DENND1A: variants seen among roughly 807,000 people sequenced by gnomAD.
The protein encoded by DENND1A is DENN domain-containing protein 1A.
A neutral mutation model predicts 113.7 loss-of-function variants in DENND1A; 51 were observed. The ratio of observed to expected loss-of-function variants is 0.45; its 90% CI spans 0.36 to 0.57. The LOEUF (loss-of-function observed/expected upper bound fraction) is 0.57. Among genes scored for constraint, DENND1A ranks in the 20% least tolerant of loss-of-function variants. The pLI, the probability that DENND1A is intolerant of heterozygous loss-of-function variation, is 0.00. For synonymous variants in DENND1A, 565 were observed against 570.8 expected, an observed-to-expected ratio of 0.99 and a Z score of 0.14; for missense variants, 1,258 against 1,395.9, an observed-to-expected ratio of 0.90 and a Z score of 1.57.
chr9:123,495,135 G>GTCTCTT, intron 13 of DENND1A, among the ~76,000 whole-genome samples: 1 of 35,166 alleles, frequency 2.8e-5, no homozygotes, highest in Non-Finnish European at 5.8e-5. Flanking sequence ...ACCCATCATT[G>GTCTCTT]TCTCTTTCTC....
chr9:123,581,153 G>A (rs1313157644), intron 12 of DENND1A, among the ~76,000 whole-genome samples: 1 of 152,094 alleles, frequency 6.6e-6, no homozygotes, highest in Non-Finnish European at 1.5e-5. Flanking sequence ...TAGCTCTGTG[G>A]GTCAAGCGGG....
intron 3 of DENND1A, among the ~76,000 whole-genome samples, chr9:123,777,352 G>C (rs1830618679): frequency 6.6e-6 from 1 of 152,172 alleles, no homozygotes; most frequent in Admixed American, 6.5e-5. Flanking sequence ...AGCTTGTTTA[G>C]ATAAACTTGA....
chr9:123,821,412 G>C (rs544956401), intron 2 of DENND1A, among the ~76,000 whole-genome samples: 24 of 152,274 alleles, frequency 1.6e-4, no homozygotes, highest in Non-Finnish European at 2.9e-4. Context: ...CCATTGTGTA[G>C]CTTCTGTTCT....
intron 3 of DENND1A, among the ~76,000 whole-genome samples, chr9:123,771,634 C>G (rs1229186567): frequency 6.6e-6 from 1 of 152,182 alleles, no homozygotes; most frequent in African/African-American, 2.4e-5. Flanking sequence ...TACGAGAAGG[C>G]ATTGTGCTTT....
rs563097013 is a variant in DENND1A, at chr9:123,676,812, A to G, written c.303-23T>C. On this transcript the variant is annotated intron_variant, in intron 5 of 23. Coordinates refer to ENST00000394215, the MANE Select transcript of DENND1A (RefSeq NM_001352964.2). ...TAGCTGGAGGAAGAAGAGGAAACAC[A>G]TGAAATATTAGTATGCAGGTCAAAA... The G allele has an allele frequency of 1.4e-5, 23 of 1,610,222 alleles. No individual in the cohort carries two copies. In the East Asian group the frequency reaches 4.9e-4, roughly 34 times the overall value.
At chr9:123,658,875 A>T (rs2063096657) in intron 8 of DENND1A, among the ~76,000 whole-genome samples, 1 of 152,236 alleles carries the variant, frequency 6.6e-6, no homozygotes, top group Non-Finnish European at 1.5e-5. Context: ...TATGATGAGC[A>T]ATTTCTTAGA....
chr9:123,755,234 T>C (rs10818867), intron 5 of DENND1A, among the ~76,000 whole-genome samples: 10,815 of 151,742 alleles, frequency 0.071, 536 homozygotes, highest in African/African-American at 0.14. Context: ...GCGATTCTCA[T>C]GCCTCAGCCA....
Position 123,381,166 on chromosome 9 carries a change from C to A in DENND1A, c.*266G>T. 1.9e-6 allele frequency: 1 copy of A among 518,646 alleles called. No individual in the cohort carries two copies. The highest frequency in any genetic ancestry group is 3.5e-6 in the Non-Finnish European group (1 of 286,968). The allele number at this position is 518,646 out of a possible 1,614,324, so 32.1% of individuals were successfully genotyped here. On this transcript the variant is annotated 3_prime_UTR_variant, in exon 24 of 24. Coordinates refer to ENST00000394215, the MANE Select transcript of DENND1A (RefSeq NM_001352964.2). This position sits in a 1 kb window ranked among gnomAD's most constrained non-coding sequence, Gnocchi z 4.7. Reference sequence around the variant, plus strand: ...CCAGCTGACCTCTTTAGTGCAAAACCCAATCAAGGGTGCCGAGGAGAGGCA... The same window carrying A: ...CCAGCTGACCTCTTTAGTGCAAAACACAATCAAGGGTGCCGAGGAGAGGCA...
rs751269372 is a variant in DENND1A at position 123,382,089 on chromosome 9, T to A, written c.2556A>T (p.Thr852=). 5 of 1,535,322 alleles carry A rather than the reference T, an allele frequency of 3.3e-6. No homozygotes were observed. Among genetic ancestry groups the A allele is most frequent in the Non-Finnish European group, 4.4e-6 (5 of 1,142,794 alleles). The change falls in exon 24 of 24, where the codon ACA becomes ACT. Residue 852 remains threonine (T), a synonymous_variant. Transcript: ENST00000394215. ...ALLALLDPLS[T]AWSGSTLPSR... ...ACGGGAGGGTGCTGCCTGACCAGGC[T>A]GTGCTGAGCGGGTCCAGGAGGGCGA...
intron 13 of DENND1A, among the ~76,000 whole-genome samples, chr9:123,492,287 G>T (rs949996783): frequency 1.3e-5 from 2 of 152,204 alleles, no homozygotes; most frequent in African/African-American, 4.8e-5. Context: ...GAAGAGAGGG[G>T]GTCACTCCCA....
chr9:123,407,383 C>T (rs1369286952), intron 20 of DENND1A, among the ~76,000 whole-genome samples: 2 of 152,074 alleles, frequency 1.3e-5, no homozygotes, highest in Admixed American at 6.6e-5. Flanking sequence ...TACACACTAT[C>T]TCACAAATAC....
intron 13 of DENND1A, among the ~76,000 whole-genome samples, chr9:123,531,620 G>T (rs951091830): frequency 3.4e-5 from 5 of 148,604 alleles, no homozygotes; most frequent in Admixed American, 6.7e-5. Flanking sequence ...AATTATATGT[G>T]TTTTACATAT....
intron 13 of DENND1A, among the ~76,000 whole-genome samples, chr9:123,552,265 G>A (rs962173160): frequency 6.6e-6 from 1 of 152,298 alleles, no homozygotes; most frequent in Admixed American, 6.5e-5. Context: ...GGGAGGAGGT[G>A]GGCGAGGGCA....
chr9:123,403,395 T>A lies in DENND1A; in HGVS notation c.1631+7A>T. 2 of 1,613,842 alleles carry A rather than the reference T, an allele frequency of 1.2e-6. No individual in the cohort carries two copies. The highest frequency in any genetic ancestry group is 1.3e-5 in the African/African-American group (1 of 75,020). ...TTACAGACAGAGGGGAGAGGCACAA[T>A]ACTCACTGCTCAGGGCTCGGCACAG... On this transcript the variant is annotated splice_region_variant and intron_variant, in intron 21 of 23. Coordinates refer to ENST00000394215, the MANE Select transcript of DENND1A (RefSeq NM_001352964.2).
chr9:123,843,714 T>C (rs1488327349), intron 2 of DENND1A: 1 of 158,084 alleles, frequency 6.3e-6, no homozygotes, highest in Non-Finnish European at 1.4e-5. Context: ...AATATTCCTT[T>C]GCATATATTC....
At chr9:123,511,158 C>T (rs1295761340) in intron 13 of DENND1A, among the ~76,000 whole-genome samples, 1 of 152,330 alleles carries the variant, frequency 6.6e-6, no homozygotes, top group East Asian at 1.9e-4. Flanking sequence ...GAGTCCCTCT[C>T]TGGGTAGGGA....
chr9:123,508,600 G>A (rs2053175188), intron 13 of DENND1A, among the ~76,000 whole-genome samples: 1 of 152,198 alleles, frequency 6.6e-6, no homozygotes, highest in African/African-American at 2.4e-5. Context: ...TTCGCTAATT[G>A]CACATCTTCA....
chr9:123,791,299 CA>C (rs1219143311), intron 3 of DENND1A, among the ~76,000 whole-genome samples: 3 of 151,988 alleles, frequency 2.0e-5, no homozygotes, highest in African/African-American at 7.2e-5. Context: ...AAAGGAAATT[CA>C]TTAATGAAAA....
At chr9:123,467,655 T>C (rs4240479) in intron 13 of DENND1A, among the ~76,000 whole-genome samples, 145,009 of 152,218 alleles carry the variant, frequency 0.95, 69,394 homozygotes, top group Non-Finnish European at 1. Context: ...AACTCCGTCT[T>C]GAAACAAAAC....
Sources: allele counts gnomAD v4.1 joint callset (sites outside exome capture counted in the v4.1 genomes callset), GRCh38; gene constraint gnomAD v4.1.1; non-coding constraint Gnocchi (gnomAD v3.1); transcripts MANE v1.5; gene names NCBI Gene and HGNC (gene_info 2026-07-23, HGNC 2026-07-21).